Variants in GABBR2 observed in about 807,000 individuals in gnomAD.
GABBR2 encodes gamma-aminobutyric acid type B receptor subunit 2, also known as G-protein coupled receptor 51.
In GABBR2, 23 loss-of-function variants were observed where a neutral mutation model predicts 105.6. The observed-to-expected ratio is 0.22, with a 90% confidence interval of 0.16 to 0.31. GABBR2 has a LOEUF of 0.31. Among genes scored for constraint, GABBR2 ranks in the 10% least tolerant of loss-of-function variants. The pLI is 1.00. For missense variants in GABBR2, 734 were observed against 1,245.5 expected, an observed-to-expected ratio of 0.59 and a Z score of 6.18; for synonymous variants, 478 against 499.7, an observed-to-expected ratio of 0.96 and a Z score of 0.58.
intron 17 of GABBR2, among the ~76,000 whole-genome samples, chr9:98,295,812 C>G (rs1830372027): frequency 6.6e-6 from 1 of 152,240 alleles, no homozygotes; most frequent in Non-Finnish European, 1.5e-5. Context: ...GCTTGAGCCA[C>G]TGTGCTCAGC....
intron 6 of GABBR2, among the ~76,000 whole-genome samples, chr9:98,463,857 A>G (rs1826478382): frequency 1.3e-5 from 2 of 152,242 alleles, no homozygotes; most frequent in South Asian, 2.1e-4. Flanking sequence ...GCTGGTGTCC[A>G]GCTCCTGGCC....
chr9:98,673,520 C>T (rs1266446138), intron 1 of GABBR2, among the ~76,000 whole-genome samples: 2 of 150,486 alleles, frequency 1.3e-5, no homozygotes, highest in African/African-American at 2.5e-5. Context: ...AATTATTATA[C>T]TTTATAAGTA....
intron 7 of GABBR2, among the ~76,000 whole-genome samples, chr9:98,425,617 G>A (rs1825668326): frequency 6.6e-6 from 1 of 152,174 alleles, no homozygotes; most frequent in Non-Finnish European, 1.5e-5. Context: ...CTCCAAACCT[G>A]GGCAAACCAG....
chr9:98,550,812 CT>C (rs1828474470), intron 2 of GABBR2, among the ~76,000 whole-genome samples: 1 of 152,170 alleles, frequency 6.6e-6, no homozygotes. Context: ...ATAAAGTCCC[CT>C]GCATTCCCTG....
intron 1 of GABBR2, among the ~76,000 whole-genome samples, chr9:98,640,898 G>GA (rs1829951396): frequency 1.3e-5 from 2 of 152,170 alleles, no homozygotes; most frequent in African/African-American, 4.8e-5. Context: ...TTAACAGACT[G>GA]AATATGGCTG....
At chr9:98,523,736 T>C (rs1827909697) in intron 3 of GABBR2, among the ~76,000 whole-genome samples, 1 of 152,222 alleles carries the variant, frequency 6.6e-6, no homozygotes, top group South Asian at 2.1e-4. Flanking sequence ...GGCTGCAGAA[T>C]GCTGGCTCTC....
intron 13 of GABBR2, among the ~76,000 whole-genome samples, chr9:98,345,723 A>C (rs1451160254): frequency 1.3e-5 from 2 of 152,108 alleles, no homozygotes; most frequent in Non-Finnish European, 2.9e-5. Context: ...CAACACAAAA[A>C]CTCTTGGAAC....
intron 13 of GABBR2, among the ~76,000 whole-genome samples, chr9:98,343,585 C>T (rs1449206289): frequency 2.0e-5 from 3 of 152,154 alleles, no homozygotes; most frequent in African/African-American, 2.4e-5. Flanking sequence ...CCTGGCCGGG[C>T]GCGGTGGCTC....
intron 1 of GABBR2, among the ~76,000 whole-genome samples, chr9:98,631,951 G>A (rs1015104093): frequency 6.6e-6 from 1 of 152,186 alleles, no homozygotes; most frequent in Non-Finnish European, 1.5e-5. Context: ...TCAGACTTGA[G>A]GTTATGAAGC....
chr9:98,567,845 G>A (rs370672417), intron 2 of GABBR2, among the ~76,000 whole-genome samples: 2 of 152,208 alleles, frequency 1.3e-5, no homozygotes, highest in South Asian at 4.1e-4. Context: ...TCAGTCTCCT[G>A]CATCAAACTG....
intron 11 of GABBR2, among the ~76,000 whole-genome samples, chr9:98,380,263 C>T (rs1831948082): frequency 6.6e-6 from 1 of 152,212 alleles, no homozygotes; most frequent in Admixed American, 6.5e-5. Flanking sequence ...GTTACTACCC[C>T]ACGCCCAGGA....
intron 13 of GABBR2, among the ~76,000 whole-genome samples, chr9:98,338,296 TTCATGTG>T (rs1831151374): frequency 6.6e-6 from 1 of 152,180 alleles, no homozygotes; most frequent in Non-Finnish European, 1.5e-5. Context: ...ATTAAAATTT[TTCATGTG>T]TCAGAGGACA....
chr9:98,586,857 C>T (rs1021084062), intron 1 of GABBR2, among the ~76,000 whole-genome samples: 1 of 152,150 alleles, frequency 6.6e-6, no homozygotes, highest in African/African-American at 2.4e-5. Flanking sequence ...GCCAGTGGAC[C>T]CTTGGGCTGT....
chr9:98,665,180 G>C (rs144461037), intron 1 of GABBR2, among the ~76,000 whole-genome samples: 177 of 152,216 alleles, frequency 1.2e-3, no homozygotes, highest in African/African-American at 4.0e-3. Context: ...GAGATAGGAG[G>C]ATCGCCTGAG....
chr9:98,509,023 A>T (rs1827579458), intron 3 of GABBR2, among the ~76,000 whole-genome samples: 1 of 152,206 alleles, frequency 6.6e-6, no homozygotes, highest in South Asian at 2.1e-4. Flanking sequence ...ACACCCCAGT[A>T]GGGGCAGACT....
At chr9:98,371,427 C>T (rs970098172) in intron 12 of GABBR2, 37 bp downstream of exon 12, 10 of 1,068,474 alleles carry the variant, frequency 9.4e-6, no homozygotes, top group Non-Finnish European at 1.3e-5. Flanking sequence ...GCTGGGTGAA[C>T]ACTACTAATA....
chr9:98,701,147 T>C lies in GABBR2; in HGVS notation c.321+7270A>G, dbSNP rs370322870. Among the ~76,000 whole-genome samples, 45 of 152,286 alleles carry C rather than the reference T, an allele frequency of 3.0e-4. 2 individuals carry two copies. The South Asian group carries it at 8.5e-3, about 29-fold the overall frequency. On this transcript the variant is annotated intron_variant, in intron 1 of 18. Coordinates refer to ENST00000259455, the MANE Select transcript of GABBR2 (RefSeq NM_005458.8). ...CATCTCAGACCTCTGTATGAAGAAG[T>C]TGATGTTACTCTGCCCACAGGGAAG...
chr9:98,704,080 C>T (rs899472394), intron 1 of GABBR2, among the ~76,000 whole-genome samples: 2 of 152,108 alleles, frequency 1.3e-5, no homozygotes, highest in African/African-American at 2.4e-5. Flanking sequence ...CTCTGTTCAC[C>T]AGCTGCCTCT....
At chr9:98,433,742 C>G (rs4742728) in intron 7 of GABBR2, among the ~76,000 whole-genome samples, 26,506 of 152,004 alleles carry the variant, frequency 0.17, 2,602 homozygotes, top group East Asian at 0.38. Flanking sequence ...CCTGGGGCCA[C>G]AGCCCCCAGA....
Sources: gnomAD v4.1 joint callset for allele counts (sites outside exome capture counted in the v4.1 genomes callset) on GRCh38, gnomAD v4.1.1 for gene constraint, MANE v1.5 for transcripts, NCBI Gene and HGNC (gene_info 2026-07-23, HGNC 2026-07-21) for gene names.